FANCM: variants seen among roughly 807,000 people sequenced by gnomAD.
FANCM encodes FA complementation group M, also known as Fanconi anemia group M protein.
Under a neutral mutation model 199.5 loss-of-function variants are expected in FANCM, and 140 were observed. The ratio of observed to expected loss-of-function variants is 0.70; its 90% CI spans 0.61 to 0.81. FANCM has a LOEUF of 0.81. FANCM is among the 30% of genes least tolerant of loss of function. The pLI is 0.00. For synonymous variants in FANCM, 840 were observed against 836.8 expected, an observed-to-expected ratio of 1.00 and a Z score of -0.07; for missense variants, 2,410 against 2,421.4, an observed-to-expected ratio of 1.00 and a Z score of 0.10.
chr14:45,164,691 C>T, intron 10 of FANCM, 126 bp downstream of exon 10: 1 of 750,164 alleles, frequency 1.3e-6, no homozygotes, highest in Non-Finnish European at 2.2e-6. Flanking sequence ...TATTTTCCCC[C>T]ACTTTGTATT....
intron 14 of FANCM, among the ~76,000 whole-genome samples, chr14:45,179,452 C>T (rs1014657209): frequency 7.9e-5 from 12 of 151,956 alleles, no homozygotes; most frequent in African/African-American, 2.7e-4. Context: ...TATGTTTGTC[C>T]TTAATGTCTT....
Position 45,196,179 on chromosome 14 carries a change from G to T in FANCM, c.5348G>T (p.Ser1783Ile). ...RKFPVPQKDGSALEDSSTSGA... is the reference protein window; with the variant it reads ...RKFPVPQKDGIALEDSSTSGA... ...TGTTTTCCACTTTTTCAGGATGGTA[G>T]TGCTTTGGAGGATTCTAGCACTTCA... is the stretch of plus-strand genomic sequence containing the variant. The change falls in exon 21 of 23, where the codon AGT (serine) becomes ATT (isoleucine). Residue 1783 changes from serine to isoleucine, a missense_variant. Physicochemically the swap from Ser to Ile is moderately radical, Grantham distance 142. Transcript: ENST00000267430. 6.2e-7 allele frequency: 1 copy of T among 1,614,116 alleles called. No individual in the cohort carries two copies. The highest frequency in any genetic ancestry group is 8.5e-7 in the Non-Finnish European group (1 of 1,179,990).
At chr14:45,154,103 T>A in intron 6 of FANCM, 51 bp downstream of exon 6, 1 of 1,382,296 alleles carries the variant, frequency 7.2e-7, no homozygotes, top group Non-Finnish European at 1.0e-6. Flanking sequence ...TTATTTTGGC[T>A]AAAGACATAT....
intron 16 of FANCM, among the ~76,000 whole-genome samples, chr14:45,183,355 G>T (rs927926184): frequency 6.6e-6 from 1 of 151,946 alleles, no homozygotes; most frequent in African/African-American, 2.4e-5. Flanking sequence ...TGTTTTATTT[G>T]TTTCTTAGTT....
At position 45,173,196 on chromosome 14, in the gene FANCM, A is replaced by C; in HGVS notation, c.2302A>C (p.Met768Leu). The change falls in exon 13 of 23, where the codon ATG becomes CTG. Residue 768 changes from methionine to leucine, a missense_variant. Transcript: ENST00000267430. The stretch of plus-strand genomic sequence containing the variant: ...AGGCCTTATGCAAATGATAGAGGGA[A>C]TGAGACACGAAGAGGTGGGGTTTTA... ...FIGLMQMIEG[M>L]RHEEGECSYE... The C allele has an allele frequency of 6.2e-7, 1 of 1,613,808 alleles. No individual in the cohort carries two copies. Among genetic ancestry groups the C allele is most frequent in the Non-Finnish European group, 8.5e-7 (1 of 1,179,756 alleles).
At chr14:45,141,104 C>T (rs1302916172) in intron 3 of FANCM, among the ~76,000 whole-genome samples, 6 of 151,828 alleles carry the variant, frequency 4.0e-5, no homozygotes, top group South Asian at 2.1e-4. Context: ...CTGGTTAACA[C>T]GGTGAAACCC....
chr14:45,194,872 C>T (rs369196808), intron 20 of FANCM, among the ~76,000 whole-genome samples: 1 of 147,468 alleles, frequency 6.8e-6, no homozygotes, highest in African/African-American at 2.5e-5. Flanking sequence ...AGTGCAGTGG[C>T]GTGATCTCGG....
intron 16 of FANCM, 53 bp downstream of exon 16, chr14:45,181,758 T>C: frequency 8.6e-7 from 1 of 1,156,270 alleles, no homozygotes; most frequent in Non-Finnish European, 1.3e-6. Flanking sequence ...GGAATAAAAA[T>C]TTTGAGAGAA....
chr14:45,195,134 T>C (rs1301038200), intron 20 of FANCM, among the ~76,000 whole-genome samples: 2 of 152,248 alleles, frequency 1.3e-5, no homozygotes, highest in Non-Finnish European at 2.9e-5. Context: ...TAGTGAGAGA[T>C]GGCTTGTCAT....
At chr14:45,178,051 T>C (rs1178587577) in intron 14 of FANCM, among the ~76,000 whole-genome samples, 1 of 152,224 alleles carries the variant, frequency 6.6e-6, no homozygotes, top group African/African-American at 2.4e-5. Flanking sequence ...AAGTCATTTA[T>C]GAATTTTACT....
chr14:45,137,634 T>C (rs920491414), intron 2 of FANCM: 4 of 268,268 alleles, frequency 1.5e-5, no homozygotes, highest in Non-Finnish European at 2.9e-5. Context: ...AATAATGACA[T>C]AATGTATGCC....
chr14:45,183,934 A>G (rs1179536427), intron 17 of FANCM, 32 bp downstream of exon 17: 3 of 1,494,046 alleles, frequency 2.0e-6, no homozygotes, highest in African/African-American at 2.8e-5. Context: ...TTAAATATGT[A>G]TGCATTTTAT....
In FANCM at chr14:45,148,952, C is replaced by T. The variant is rs781381334; in HGVS notation, c.875C>T (p.Pro292Leu). ...AGAAAAGTTGAAAAGCTTATTGTTCCGCTTGGTGAAGAACTTGCAGCCATC... is the reference window on the plus strand; with the variant it reads ...AGAAAAGTTGAAAAGCTTATTGTTCTGCTTGGTGAAGAACTTGCAGCCATC... ...HERKVEKLIV[P>L]LGEELAAIQK... is the part of the protein sequence containing the mutation. The change falls in exon 4 of 23, where the codon CCG becomes CTG. Residue 292 changes from proline (P) to leucine (L), a missense_variant. Coordinates refer to ENST00000267430, the MANE Select transcript of FANCM (RefSeq NM_020937.4). 31 of 1,613,674 alleles carry T rather than the reference C, an allele frequency of 1.9e-5. No homozygotes were observed. Among genetic ancestry groups the T allele is most frequent in the East Asian group, 1.1e-4 (5 of 44,832 alleles).
chr14:45,166,749 G>A (rs1451997400), intron 10 of FANCM, among the ~76,000 whole-genome samples: 2 of 148,358 alleles, frequency 1.3e-5, no homozygotes, highest in Non-Finnish European at 3.0e-5. Context: ...GTACTCCAGA[G>A]CCTGGATGAC....
At chr14:45,172,298 CT>C (rs925752129) in intron 12 of FANCM, among the ~76,000 whole-genome samples, 131 of 152,226 alleles carry the variant, frequency 8.6e-4, no homozygotes, top group African/African-American at 3.1e-3. Flanking sequence ...GTTGCATTTG[CT>C]TTTGGGTTCT....
At chr14:45,139,999 A>C (rs77820754) in intron 2 of FANCM, among the ~76,000 whole-genome samples, 1 of 152,064 alleles carries the variant, frequency 6.6e-6, no homozygotes. Flanking sequence ...TAAAAAAAAA[A>C]TTTTTTGTGA....
Position 45,148,274 on chromosome 14 carries a change from CT to C in FANCM, c.760-553del, listed in dbSNP as rs896472863. 1.3e-3 allele frequency among the ~76,000 whole-genome samples: 190 copies of C among 148,628 alleles called. 3 individuals are homozygous for C. The highest frequency in any genetic ancestry group is 1.5e-3 in the Admixed American group (22 of 14,870). Reference sequence around the variant, plus strand: ...TTTTTACATACTCTCAGGATCCTCTCTTTTTTTTTTCTTTTTAATTGTTAAT... The same window carrying C: ...TTTTTACATACTCTCAGGATCCTCTCTTTTTTTTTCTTTTTAATTGTTAAT... On this transcript the variant is annotated intron_variant, in intron 3 of 22. Coordinates refer to ENST00000267430, the MANE Select transcript of FANCM (RefSeq NM_020937.4).
Position 45,140,674 on chromosome 14 carries a change from T to C in FANCM, c.724T>C (p.Leu242=), listed in dbSNP as rs1451116893. Residue 242 remains leucine (L), a synonymous_variant, in exon 3 of 23, where the codon TTG becomes CTG. Transcript: ENST00000267430. Reference sequence around the variant, plus strand: ...CAAATATACAAATCACTTTAGAATCTTGGCTCTAAGTGCCACACCAGGTAG... The same window carrying C: ...CAAATATACAAATCACTTTAGAATCCTGGCTCTAAGTGCCACACCAGGTAG... ...LVKYTNHFRI[L]ALSATPGSDI... is the part of the protein sequence containing the mutation. 2 of 1,604,116 alleles carry C rather than the reference T, an allele frequency of 1.2e-6. No individual in the cohort carries two copies. The highest frequency in any genetic ancestry group is 2.2e-5 in the East Asian group (1 of 44,830).
At chr14:45,170,061 C>A (rs1305031986) in intron 11 of FANCM, among the ~76,000 whole-genome samples, 3 of 152,126 alleles carry the variant, frequency 2.0e-5, no homozygotes, top group African/African-American at 7.2e-5. Flanking sequence ...AGTTATCTTA[C>A]TCTGTTTCAT....
Sources: allele counts gnomAD v4.1 joint callset (sites outside exome capture counted in the v4.1 genomes callset), GRCh38; gene constraint gnomAD v4.1.1; transcripts MANE v1.5; gene names NCBI Gene and HGNC (gene_info 2026-07-23, HGNC 2026-07-21).